PIP5K1B: variants seen among roughly 807,000 people sequenced by gnomAD.
PIP5K1B encodes the protein phosphatidylinositol 4-phosphate 5-kinase type-1 beta.
In PIP5K1B, 42 loss-of-function variants were observed where a neutral mutation model predicts 67.0. The observed-to-expected ratio is 0.63, with a 90% confidence interval of 0.49 to 0.81. The LOEUF (loss-of-function observed/expected upper bound fraction) is 0.81, where lower values mean the gene tolerates loss of function less well. Among genes scored for constraint, PIP5K1B ranks in the 30% least tolerant of loss-of-function variants. PIP5K1B has a pLI of 0.00. For missense variants in PIP5K1B, 459 were observed against 646.3 expected, an observed-to-expected ratio of 0.71 and a Z score of 3.14; for synonymous variants, 214 against 231.4, an observed-to-expected ratio of 0.92 and a Z score of 0.68.
chr9:68,841,053 A>G (rs373231424), intron 4 of PIP5K1B, among the ~76,000 whole-genome samples: 5 of 152,022 alleles, frequency 3.3e-5, no homozygotes, highest in African/African-American at 1.2e-4. Flanking sequence ...TCAGGTCTGT[A>G]TTTCCTTCTC....
chr9:68,956,551 C>T (rs1010285082), intron 14 of PIP5K1B, among the ~76,000 whole-genome samples: 4 of 152,136 alleles, frequency 2.6e-5, no homozygotes, highest in Non-Finnish European at 4.4e-5. Flanking sequence ...CCATTACTGA[C>T]AAGAAAGAAC....
At chr9:68,911,671 G>A (rs192598054) in intron 8 of PIP5K1B, among the ~76,000 whole-genome samples, 5 of 152,134 alleles carry the variant, frequency 3.3e-5, no homozygotes, top group Non-Finnish European at 4.4e-5. Context: ...TGGTTGGATC[G>A]CTTGAGCCCA....
intron 2 of PIP5K1B, chr9:68,783,010 C>T (rs1369156926): frequency 4.2e-5 from 7 of 167,008 alleles, no homozygotes; most frequent in Non-Finnish European, 1.0e-4. Context: ...ATCTGTTGCC[C>T]CTGATTTTGC....
chr9:68,829,094 T>C (rs1250690476), intron 4 of PIP5K1B, among the ~76,000 whole-genome samples: 1 of 152,210 alleles, frequency 6.6e-6, no homozygotes, highest in Non-Finnish European at 1.5e-5. Flanking sequence ...AGAGCAAGAC[T>C]CTGGCTCAAA....
chr9:68,924,547 T>C (rs1295101368), intron 12 of PIP5K1B, among the ~76,000 whole-genome samples: 2 of 152,056 alleles, frequency 1.3e-5, no homozygotes, highest in African/African-American at 4.8e-5. Flanking sequence ...ATGTGGGCTC[T>C]TATTTTCCTT....
chr9:68,795,455 C>G (rs912134148), intron 2 of PIP5K1B, among the ~76,000 whole-genome samples: 3 of 151,804 alleles, frequency 2.0e-5, no homozygotes, highest in African/African-American at 7.3e-5. Flanking sequence ...TGGAATAATC[C>G]CCTATCTTTA....
chr9:68,733,528 A>G (rs1229501204), intron 1 of PIP5K1B, among the ~76,000 whole-genome samples: 1 of 150,928 alleles, frequency 6.6e-6, no homozygotes, highest in Non-Finnish European at 1.5e-5. Context: ...GATTTGGGGG[A>G]GAACAATTGA....
In PIP5K1B at chr9:68,835,358, C is replaced by T. The variant is rs1199697822; in HGVS notation, c.69+12675C>T. The stretch of plus-strand genomic sequence containing the variant: ...TGTGTGGCCAGGGCCATCAGGCTGG[C>T]TGTGCCATTGATGAGCTCATCCTTG... On this transcript the variant is annotated intron_variant, in intron 4 of 15. Coordinates refer to ENST00000265382, the MANE Select transcript of PIP5K1B (RefSeq NM_003558.4). 2.0e-5 allele frequency among the ~76,000 whole-genome samples: 3 copies of T among 152,342 alleles called. No homozygotes were observed. In the East Asian group the frequency reaches 5.8e-4, roughly 29 times the overall value.
chr9:68,861,451 C>G (rs1823067817), intron 4 of PIP5K1B, among the ~76,000 whole-genome samples: 1 of 152,202 alleles, frequency 6.6e-6, no homozygotes, highest in African/African-American at 2.4e-5. Context: ...CTTTGACTAC[C>G]TTCTGTTGCC....
rs527902177 is a variant in PIP5K1B at position 68,806,185 on chromosome 9, T to G, written c.-85-12276T>G. ...GTTCCTTCTGCAGCTGGGATAAAGG[T>G]GGCACAGGTTATGACCAGGCAGGGA... is the stretch of plus-strand genomic sequence containing the variant. On this transcript the variant is annotated intron_variant, in intron 2 of 15. Coordinates refer to ENST00000265382, the MANE Select transcript of PIP5K1B (RefSeq NM_003558.4). Among the ~76,000 whole-genome samples, 3 of 152,322 alleles carry G rather than the reference T, an allele frequency of 2.0e-5. No individual in the cohort carries two copies. The East Asian group carries it at 5.8e-4, about 29-fold the overall frequency.
chr9:68,954,325 G>T (rs1828262767), intron 14 of PIP5K1B, among the ~76,000 whole-genome samples: 1 of 151,862 alleles, frequency 6.6e-6, no homozygotes, highest in Admixed American at 6.6e-5. Context: ...AGTGTAGAGG[G>T]TTGAGCGTGT....
intron 2 of PIP5K1B, among the ~76,000 whole-genome samples, chr9:68,749,477 A>C (rs1375618016): frequency 6.6e-6 from 1 of 152,194 alleles, no homozygotes; most frequent in Admixed American, 6.5e-5. Context: ...CGCCTCCAGA[A>C]CTGGGAGAGA....
intron 14 of PIP5K1B, among the ~76,000 whole-genome samples, chr9:68,960,086 T>C (rs1303900855): frequency 1.3e-5 from 2 of 152,222 alleles, no homozygotes; most frequent in African/African-American, 4.8e-5. Context: ...AAAGGACTCA[T>C]GGGAAGTTAA....
intron 1 of PIP5K1B, among the ~76,000 whole-genome samples, chr9:68,713,339 C>T (rs1435532802): frequency 6.6e-6 from 1 of 152,134 alleles, no homozygotes; most frequent in African/African-American, 2.4e-5. Context: ...GCAGAGGTTG[C>T]AATGAGCCAA....
At chr9:68,764,454 G>T (rs1266362539) in intron 2 of PIP5K1B, among the ~76,000 whole-genome samples, 1 of 152,052 alleles carries the variant, frequency 6.6e-6, no homozygotes, top group Non-Finnish European at 1.5e-5. Context: ...GTAGTTCAAT[G>T]AATGAGTTGG....
chr9:68,807,344 A>G (rs1832925254), intron 2 of PIP5K1B, among the ~76,000 whole-genome samples: 1 of 152,236 alleles, frequency 6.6e-6, no homozygotes, highest in Non-Finnish European at 1.5e-5. Flanking sequence ...CACCCAAACT[A>G]CAGAAAGGCT....
At chr9:68,861,727 G>A (rs958736153) in intron 4 of PIP5K1B, among the ~76,000 whole-genome samples, 1 of 152,148 alleles carries the variant, frequency 6.6e-6, no homozygotes, top group Non-Finnish European at 1.5e-5. Flanking sequence ...AGTGACGCAT[G>A]GGAGAAGAGA....
At chr9:68,927,982 G>GT (rs1014196566) in intron 12 of PIP5K1B, among the ~76,000 whole-genome samples, 6 of 151,642 alleles carry the variant, frequency 4.0e-5, no homozygotes, top group Non-Finnish European at 8.8e-5. Context: ...ATAGCCGGTT[G>GT]TTTCACCACC....
intron 4 of PIP5K1B, among the ~76,000 whole-genome samples, chr9:68,825,044 C>T (rs1477424590): frequency 6.6e-6 from 1 of 152,088 alleles, no homozygotes; most frequent in Non-Finnish European, 1.5e-5. Context: ...ACATTATTCC[C>T]CAGTATAATT....
Sources: allele counts gnomAD v4.1 joint callset (sites outside exome capture counted in the v4.1 genomes callset), GRCh38; gene constraint gnomAD v4.1.1; transcripts MANE v1.5; gene names NCBI Gene and HGNC (gene_info 2026-07-23, HGNC 2026-07-21).